Variants in ARHGAP28 observed in about 807,000 individuals in gnomAD.
ARHGAP28 encodes the protein Rho GTPase activating protein 28, also known as rho GTPase-activating protein 28.
A neutral mutation model predicts 90.7 loss-of-function variants in ARHGAP28; 56 were observed. That is an observed-to-expected ratio of 0.62 (90% CI 0.50 to 0.77). The LOEUF (loss-of-function observed/expected upper bound fraction) is 0.77, where lower values mean the gene tolerates loss of function less well. Among genes scored for constraint, ARHGAP28 ranks in the 30% least tolerant of loss-of-function variants. The pLI is 0.00. For missense variants in ARHGAP28, 869 were observed against 900.9 expected, an observed-to-expected ratio of 0.96 and a Z score of 0.45; for synonymous variants, 308 against 323.3, an observed-to-expected ratio of 0.95 and a Z score of 0.51.
intron 2 of ARHGAP28, among the ~76,000 whole-genome samples, chr18:6,827,342 C>A (rs1281076611): frequency 1.4e-5 from 2 of 146,676 alleles, no homozygotes; most frequent in Non-Finnish European, 3.0e-5. Flanking sequence ...CCCTCCCGGA[C>A]GGGGCGGCTG....
At chr18:6,838,411 A>C (rs558197042) in intron 3 of ARHGAP28, among the ~76,000 whole-genome samples, 5 of 152,352 alleles carry the variant, frequency 3.3e-5, no homozygotes, top group Admixed American at 6.5e-5. Flanking sequence ...TCTGTAAGTC[A>C]TATCTTCTTT....
At chr18:6,841,210 T>TCTCTCTCTCTCTCTCTC (rs1567966910) in intron 3 of ARHGAP28, among the ~76,000 whole-genome samples, 5 of 94,306 alleles carry the variant, frequency 5.3e-5, no homozygotes, top group South Asian at 3.7e-4. Flanking sequence ...TCTCCTCTCC[T>TCTCTCTCTCTCTCTCTC]CTCTCTCTCT....
chr18:6,760,505 G>T (rs912530935), intron 1 of ARHGAP28, among the ~76,000 whole-genome samples: 1 of 152,130 alleles, frequency 6.6e-6, no homozygotes, highest in African/African-American at 2.4e-5. Context: ...TATTTTAAAA[G>T]AATTTTTAAA....
chr18:6,833,195 T>G (rs1434243797), intron 2 of ARHGAP28, among the ~76,000 whole-genome samples: 2 of 152,094 alleles, frequency 1.3e-5, no homozygotes, highest in Non-Finnish European at 2.9e-5. Flanking sequence ...CCTGATGCTC[T>G]ATCACTCCCA....
intron 1 of ARHGAP28, among the ~76,000 whole-genome samples, chr18:6,805,434 CA>C (rs1396131887): frequency 1.5e-4 from 23 of 150,212 alleles, no homozygotes; most frequent in African/African-American, 4.2e-4. Flanking sequence ...TTATGTCCAG[CA>C]TACTGTTCTG....
intron 7 of ARHGAP28, among the ~76,000 whole-genome samples, chr18:6,871,493 T>C (rs1398486052): frequency 6.6e-6 from 1 of 152,186 alleles, no homozygotes; most frequent in East Asian, 1.9e-4. Context: ...ATTCAAGAAC[T>C]TCTATTAGTA....
intron 1 of ARHGAP28, among the ~76,000 whole-genome samples, chr18:6,807,472 A>T (rs1429529679): frequency 6.6e-6 from 1 of 152,112 alleles, no homozygotes; most frequent in Admixed American, 6.6e-5. Flanking sequence ...AAACTATTTG[A>T]TCCTTTCATA....
intron 1 of ARHGAP28, among the ~76,000 whole-genome samples, chr18:6,731,942 G>A (rs114389536): frequency 0.01 from 1,576 of 152,050 alleles, 39 homozygotes; most frequent in African/African-American, 0.036. Flanking sequence ...TTACACATTT[G>A]TAACCTATTT....
rs2056651910 is a variant in ARHGAP28 at position 6,824,970 on chromosome 18, T to C, written c.325+6T>C. On this transcript the variant is annotated splice_donor_region_variant and intron_variant, in intron 2 of 17. Transcript: ENST00000383472. ...TGAGGTCACACCTGTGGATGGTAAG[T>C]TGCTGGATTTGTCTTCCTATGTGCT... 1 of 1,527,240 alleles carries C rather than the reference T, an allele frequency of 6.5e-7. No homozygotes were observed. The highest frequency in any genetic ancestry group is 1.2e-5 in the South Asian group (1 of 82,880). 94.6% of individuals were successfully genotyped at this position (1,527,240 alleles called of 1,614,324 possible).
chr18:6,772,114 T>G (rs549860456), intron 1 of ARHGAP28, among the ~76,000 whole-genome samples: 1 of 151,818 alleles, frequency 6.6e-6, no homozygotes, highest in Admixed American at 6.6e-5. Flanking sequence ...CAATGGGGAG[T>G]TTTCATTTTT....
intron 1 of ARHGAP28, among the ~76,000 whole-genome samples, chr18:6,760,667 T>A (rs2056152146): frequency 6.6e-6 from 1 of 152,200 alleles, no homozygotes; most frequent in Non-Finnish European, 1.5e-5. Context: ...AGCATTGATG[T>A]CAAATTTATT....
intron 1 of ARHGAP28, among the ~76,000 whole-genome samples, chr18:6,747,760 A>G (rs2056035565): frequency 6.6e-6 from 1 of 152,200 alleles, no homozygotes; most frequent in Admixed American, 6.5e-5. Flanking sequence ...TCATAAACAT[A>G]TGCTGGAATC....
intron 17 of ARHGAP28, among the ~76,000 whole-genome samples, chr18:6,910,913 C>G (rs1392983366): frequency 1.3e-5 from 2 of 151,358 alleles, no homozygotes; most frequent in Non-Finnish European, 2.9e-5. Context: ...GGCGCGATCT[C>G]GGCTCACTGC....
intron 1 of ARHGAP28, among the ~76,000 whole-genome samples, chr18:6,756,453 A>G (rs1359223262): frequency 6.6e-6 from 1 of 152,234 alleles, no homozygotes; most frequent in East Asian, 1.9e-4. Context: ...GGGATCTTCC[A>G]AACCTAATAA....
chr18:6,899,068 A>C (rs532957527), intron 16 of ARHGAP28, among the ~76,000 whole-genome samples: 19 of 152,310 alleles, frequency 1.2e-4, no homozygotes, highest in African/African-American at 4.6e-4. Context: ...TTACAAAAAA[A>C]TCTTGCCCTA....
intron 1 of ARHGAP28, among the ~76,000 whole-genome samples, chr18:6,766,691 A>G (rs2056202450): frequency 6.6e-6 from 1 of 152,032 alleles, no homozygotes; most frequent in African/African-American, 2.4e-5. Flanking sequence ...CTCTGATCAT[A>G]GGTTTCAGAT....
intron 1 of ARHGAP28, among the ~76,000 whole-genome samples, chr18:6,785,355 A>C (rs2056357386): frequency 6.6e-6 from 1 of 152,198 alleles, no homozygotes; most frequent in Admixed American, 6.5e-5. Context: ...CAGGTGTGTC[A>C]CTCAAAATTT....
At chr18:6,841,514 A>T (rs1238761979) in intron 3 of ARHGAP28, among the ~76,000 whole-genome samples, 1 of 151,656 alleles carries the variant, frequency 6.6e-6, no homozygotes, top group Admixed American at 6.6e-5. Context: ...TTATAAAGAT[A>T]TAAGTATTTA....
chr18:6,817,085 TAAA>T (rs80276000), intron 1 of ARHGAP28, among the ~76,000 whole-genome samples: 2 of 130,184 alleles, frequency 1.5e-5, no homozygotes, highest in Non-Finnish European at 1.7e-5. Flanking sequence ...GACCCTGTCT[TAAA>T]AAAAAAAAAA....
Sources: gnomAD v4.1 joint callset for allele counts (sites outside exome capture counted in the v4.1 genomes callset) on GRCh38, gnomAD v4.1.1 for gene constraint, MANE v1.5 for transcripts, NCBI Gene and HGNC (gene_info 2026-07-23, HGNC 2026-07-21) for gene names.